WDR1: variants seen among roughly 807,000 people sequenced by gnomAD.
The protein encoded by WDR1 is WD repeat-containing protein 1.
WDR1 carries 21 observed loss-of-function variants against 71.9 expected under a neutral mutation model. The ratio of observed to expected loss-of-function variants is 0.29; its 90% CI spans 0.21 to 0.42. WDR1 has a LOEUF of 0.42. Ranked by LOEUF, WDR1 falls within the 10% of genes least tolerant of loss-of-function variation. The pLI, the probability that WDR1 is intolerant of heterozygous loss-of-function variation, is 1.00. For synonymous variants in WDR1, 424 were observed against 347.4 expected (o/e 1.22, Z -2.45); for missense variants, 696 against 824.5 (o/e 0.84, Z 1.91).
intron 2 of WDR1, among the ~76,000 whole-genome samples, chr4:10,114,691 C>T (rs988858440): frequency 6.6e-5 from 10 of 152,258 alleles, no homozygotes; most frequent in Admixed American, 1.3e-4. Flanking sequence ...GACCTGCCTT[C>T]GGAGACTTCC....
At chr4:10,106,840 C>T (rs560446576) in intron 2 of WDR1, among the ~76,000 whole-genome samples, 12 of 152,216 alleles carry the variant, frequency 7.9e-5, no homozygotes, top group East Asian at 1.9e-4. Flanking sequence ...CTCCTCAGCT[C>T]GCAGAGGGAG....
At chr4:10,096,007 T>C (rs1020519299) in intron 5 of WDR1, 1 of 152,162 alleles carries the variant, frequency 6.6e-6, no homozygotes, top group Admixed American at 6.6e-5. Flanking sequence ...GGCAGTGGGG[T>C]GAAGTCCTTT....
chr4:10,075,710 G>A, intron 14 of WDR1: 2 of 580,400 alleles, frequency 3.4e-6, no homozygotes, highest in Admixed American at 3.0e-5. Flanking sequence ...GTGCTGCAGG[G>A]TAATTAGCAG....
intron 2 of WDR1, among the ~76,000 whole-genome samples, chr4:10,104,444 G>C (rs889567445): frequency 1.2e-4 from 18 of 152,186 alleles, no homozygotes; most frequent in African/African-American, 4.1e-4. Flanking sequence ...CTCAGCGCCT[G>C]GCTGTGCTGT....
At chr4:10,107,353 T>C (rs1713084868) in intron 2 of WDR1, among the ~76,000 whole-genome samples, 1 of 152,210 alleles carries the variant, frequency 6.6e-6, no homozygotes, top group Admixed American at 6.5e-5. Flanking sequence ...GCAGTCCTCC[T>C]GTTCTTCCTG....
chr4:10,083,198 A>C lies in WDR1; in HGVS notation c.1040-20T>G. On this transcript the variant is annotated intron_variant, in intron 9 of 14. Transcript: ENST00000499869. ...AGTAATGTAGGGTGGGGTTAAGGAA[A>C]AGCCCGGCTCCCAGGACTGCTGGGT... 1.2e-6 allele frequency: 2 copies of C among 1,609,748 alleles called. No homozygotes were observed. Among genetic ancestry groups the C allele is most frequent in the East Asian group, 2.2e-5 (1 of 44,802 alleles).
At position 10,116,642 on chromosome 4, in the gene WDR1, G is replaced by A. The variant is rs1242585980; in HGVS notation, c.16+9C>T. 1.2e-5 allele frequency: 16 copies of A among 1,293,936 alleles called. No individual in the cohort carries two copies. Among genetic ancestry groups the A allele is most frequent in the Non-Finnish European group, 1.6e-5 (16 of 1,014,854 alleles). 80.2% of individuals were successfully genotyped at this position (1,293,936 alleles called of 1,614,324 possible). On this transcript the variant is annotated intron_variant, in intron 1 of 14. Coordinates refer to ENST00000499869, the MANE Select transcript of WDR1 (RefSeq NM_017491.5). ...CGGCCGCTCGGGGGCCCCGCGCCGC[G>A]GCACTTACTGATCTCGTACGGCATC... is the stretch of plus-strand genomic sequence containing the variant.
At chr4:10,093,559 C>A (rs1418785188) in intron 5 of WDR1, among the ~76,000 whole-genome samples, 1 of 152,258 alleles carries the variant, frequency 6.6e-6, no homozygotes, top group Non-Finnish European at 1.5e-5. Flanking sequence ...TCACCCGGGA[C>A]GGGTCAGCTC....
At chr4:10,104,348 T>C (rs1560543904) in intron 2 of WDR1, among the ~76,000 whole-genome samples, 1 of 152,214 alleles carries the variant, frequency 6.6e-6, no homozygotes, top group African/African-American at 2.4e-5. Context: ...CTCCCATTTG[T>C]GGGAAGCTGC....
intron 2 of WDR1, among the ~76,000 whole-genome samples, chr4:10,107,371 C>T (rs1713086007): frequency 6.6e-6 from 1 of 152,176 alleles, no homozygotes; most frequent in African/African-American, 2.4e-5. Flanking sequence ...CTGGGAAGAG[C>T]GATAACTGCT....
At chr4:10,113,742 T>C (rs1030940444) in intron 2 of WDR1, among the ~76,000 whole-genome samples, 1 of 152,226 alleles carries the variant, frequency 6.6e-6, no homozygotes, top group African/African-American at 2.4e-5. Context: ...CTGAAGATAC[T>C]TTGAATGTGG....
At chr4:10,078,859 CAG>C in intron 12 of WDR1, 30 bp downstream of exon 12, 2 of 1,581,940 alleles carry the variant, frequency 1.3e-6, no homozygotes, top group Non-Finnish European at 1.7e-6. Context: ...ATACCAAGGA[CAG>C]AGAGCACGGG....
chr4:10,114,533 G>A (rs1252656969), intron 2 of WDR1, among the ~76,000 whole-genome samples: 2 of 152,216 alleles, frequency 1.3e-5, no homozygotes, highest in South Asian at 4.1e-4. Context: ...AAGTCAATGT[G>A]GACTGCAACG....
At chr4:10,109,451 A>G (rs1420388208) in intron 2 of WDR1, among the ~76,000 whole-genome samples, 1 of 152,222 alleles carries the variant, frequency 6.6e-6, no homozygotes, top group African/African-American at 2.4e-5. Context: ...TCTTTAATAC[A>G]GAGAATAAAG....
chr4:10,087,531 G>A (rs1711663202), intron 8 of WDR1, among the ~76,000 whole-genome samples, 176 bp downstream of exon 8: 1 of 152,244 alleles, frequency 6.6e-6, no homozygotes, highest in Non-Finnish European at 1.5e-5. Context: ...CTAAACTCAT[G>A]TCCCAAGAAA....
intron 9 of WDR1, among the ~76,000 whole-genome samples, chr4:10,083,956 C>G (rs1765110277): frequency 6.6e-6 from 1 of 152,240 alleles, no homozygotes; most frequent in African/African-American, 2.4e-5. Flanking sequence ...GCTCTGTGGA[C>G]CACAGGCTGC....
At chr4:10,082,940 G>A (rs1032046761) in intron 10 of WDR1, 82 bp downstream of exon 10, 86 of 1,518,352 alleles carry the variant, frequency 5.7e-5, no homozygotes, top group Non-Finnish European at 7.2e-5. Flanking sequence ...GCGTCCTCCA[G>A]AACAGTAACT....
chr4:10,085,927 G>T (rs1216799079), intron 8 of WDR1, among the ~76,000 whole-genome samples: 1 of 152,226 alleles, frequency 6.6e-6, no homozygotes, highest in Non-Finnish European at 1.5e-5. Flanking sequence ...TTTGGTGGAA[G>T]GGTGGGATGC....
At chr4:10,080,467 T>C (rs1024169582) in intron 11 of WDR1, among the ~76,000 whole-genome samples, 4 of 152,220 alleles carry the variant, frequency 2.6e-5, no homozygotes, top group African/African-American at 9.6e-5. Flanking sequence ...GTCCAGGCTG[T>C]TTGCAATAAT....
Sources: gnomAD v4.1 joint callset for allele counts (sites outside exome capture counted in the v4.1 genomes callset) on GRCh38, gnomAD v4.1.1 for gene constraint, MANE v1.5 for transcripts, NCBI Gene and HGNC (gene_info 2026-07-23, HGNC 2026-07-21) for gene names.